PHF24: variants seen among roughly 807,000 people sequenced by gnomAD.
PHF24 encodes the protein Galpha inhibitory interacting protein.
Under a neutral mutation model 42.6 loss-of-function variants are expected in PHF24, and 25 were observed. The ratio of observed to expected loss-of-function variants is 0.59; its 90% CI spans 0.43 to 0.82. The LOEUF (loss-of-function observed/expected upper bound fraction) is 0.82. Ranked by LOEUF, PHF24 falls within the 40% of genes least tolerant of loss-of-function variation. PHF24 has a pLI of 0.00. For synonymous variants in PHF24, 185 were observed against 204.8 expected (o/e 0.90, Z 0.83); for missense variants, 470 against 538.1 (o/e 0.87, Z 1.25).
chr9:34,785,629 C>T, the PHF24 span, among the ~76,000 whole-genome samples: 1 of 152,144 alleles, frequency 6.6e-6, no homozygotes, highest in African/African-American at 2.4e-5. Context: ...GGAAGTAATA[C>T]ACACCCCCGT....
chr9:34,701,197 C>T, the PHF24 span, among the ~76,000 whole-genome samples: 3 of 152,134 alleles, frequency 2.0e-5, no homozygotes, highest in Non-Finnish European at 2.9e-5. This position sits in a 1 kb window ranked among gnomAD's most constrained non-coding sequence, Gnocchi z 5.8. Flanking sequence ...CAAATCCCCG[C>T]CCCAGGGGTA....
At chr9:34,751,382 T>C in the PHF24 span, among the ~76,000 whole-genome samples, 10 of 151,736 alleles carry the variant, frequency 6.6e-5, no homozygotes, top group Non-Finnish European at 1.2e-4. Flanking sequence ...AATAAATAAA[T>C]AAAAGAGTAG....
the PHF24 span, among the ~76,000 whole-genome samples, chr9:34,830,380 A>G: frequency 1.3e-5 from 2 of 152,202 alleles, no homozygotes; most frequent in Non-Finnish European, 2.9e-5. Flanking sequence ...GGTGACCCAA[A>G]TCTTTTACTC....
At chr9:34,717,271 G>T in the PHF24 span, among the ~76,000 whole-genome samples, 1 of 146,760 alleles carries the variant, frequency 6.8e-6, no homozygotes, top group Non-Finnish European at 1.5e-5. Flanking sequence ...ATAAGGTTGG[G>T]ATTGTGGGTT....
At chr9:34,738,868 T>A in the PHF24 span, among the ~76,000 whole-genome samples, 87 of 152,298 alleles carry the variant, frequency 5.7e-4, no homozygotes, top group African/African-American at 2.0e-3. Flanking sequence ...TTTGTGGTCC[T>A]GAGGTGATGG....
chr9:34,910,172 C>G, the PHF24 span, among the ~76,000 whole-genome samples: 1 of 152,148 alleles, frequency 6.6e-6, no homozygotes, highest in African/African-American at 2.4e-5. Context: ...TCTCTCCTCT[C>G]CTTGAAGAAG....
At chr9:34,926,931 A>C in the PHF24 span, among the ~76,000 whole-genome samples, 70,548 of 151,888 alleles carry the variant, frequency 0.46, 16,823 homozygotes, top group Non-Finnish European at 0.52. The surrounding 1 kb of genome is among the most constrained non-coding windows in gnomAD (Gnocchi z 4.3). Context: ...GGGCAGCCTG[A>C]AGGAGTATTT....
the PHF24 span, among the ~76,000 whole-genome samples, chr9:34,716,615 G>A: frequency 5.0e-4 from 73 of 146,600 alleles, 1 homozygote; most frequent in Non-Finnish European, 1.2e-4. Context: ...TTGAGACAGG[G>A]TCTCACTCTT....
chr9:34,767,446 T>G, the PHF24 span, among the ~76,000 whole-genome samples: 1 of 152,240 alleles, frequency 6.6e-6, no homozygotes, highest in Non-Finnish European at 1.5e-5. Flanking sequence ...TGCCTTGCAG[T>G]TTGATCTCAG....
At chr9:34,937,023 TG>T in the PHF24 span, among the ~76,000 whole-genome samples, 3 of 129,756 alleles carry the variant, frequency 2.3e-5, no homozygotes, top group South Asian at 2.5e-4. Flanking sequence ...GGGAGGGAGG[TG>T]GGGGGGTCAG....
At chr9:34,771,542 T>G in the PHF24 span, among the ~76,000 whole-genome samples, 1 of 152,202 alleles carries the variant, frequency 6.6e-6, no homozygotes, top group Non-Finnish European at 1.5e-5. Context: ...ATATAAGCCT[T>G]TTGCTTGGGT....
the PHF24 span, among the ~76,000 whole-genome samples, chr9:34,838,083 C>T: frequency 3.9e-5 from 6 of 152,168 alleles, no homozygotes; most frequent in Non-Finnish European, 8.8e-5. Flanking sequence ...TTTTGAGATC[C>T]AGTGAGATAG....
the PHF24 span, among the ~76,000 whole-genome samples, chr9:34,887,807 G>GT: frequency 6.6e-6 from 1 of 151,996 alleles, no homozygotes; most frequent in African/African-American, 2.4e-5. Flanking sequence ...TGCTCCCAAC[G>GT]TAAGTTCCTT....
chr9:34,738,816 C>A, the PHF24 span, among the ~76,000 whole-genome samples: 1 of 152,248 alleles, frequency 6.6e-6, no homozygotes, highest in East Asian at 1.9e-4. Flanking sequence ...TCCTGCCCTT[C>A]GGTAAGAAGT....
At chr9:34,749,627 T>A in the PHF24 span, among the ~76,000 whole-genome samples, 3 of 150,836 alleles carry the variant, frequency 2.0e-5, no homozygotes, top group Admixed American at 2.0e-4. Context: ...TAATTTTACT[T>A]TAAGTTCTGG....
At chr9:34,689,589 G>A in the PHF24 span, 8 of 551,822 alleles carry the variant, frequency 1.4e-5, no homozygotes, top group African/African-American at 5.7e-5. This position sits in a 1 kb window ranked among gnomAD's most constrained non-coding sequence, Gnocchi z 4.1. Context: ...AACACCAGGC[G>A]GCTTTATTGG....
At chr9:34,756,039 T>G in the PHF24 span, among the ~76,000 whole-genome samples, 5 of 152,290 alleles carry the variant, frequency 3.3e-5, no homozygotes, top group East Asian at 9.6e-4. Context: ...TCTTATGTTT[T>G]TTTCTGGTAG....
exon 2 of PHF24, chr9:34,971,635 G>A: frequency 6.2e-7 from 1 of 1,613,730 alleles, no homozygotes. Flanking sequence ...GAAGCTGGAT[G>A]ATGACAAACC....
the PHF24 span, among the ~76,000 whole-genome samples, chr9:34,906,216 G>A: frequency 5.3e-5 from 8 of 151,972 alleles, 1 homozygote; most frequent in Admixed American, 2.0e-4. Context: ...GGGTAACATA[G>A]TCTCAAGAGG....
Sources: gnomAD v4.1 joint callset for allele counts (sites outside exome capture counted in the v4.1 genomes callset) on GRCh38, gnomAD v4.1.1 for gene constraint, Gnocchi (gnomAD v3.1) non-coding constraint, MANE v1.5 for transcripts, NCBI Gene and HGNC (gene_info 2026-07-23, HGNC 2026-07-21) for gene names.